EML4: variants seen among roughly 807,000 people sequenced by gnomAD.
EML4 encodes the protein EMAP like 4.
EML4 carries 72 observed loss-of-function variants against 129.0 expected under a neutral mutation model. That is an observed-to-expected ratio of 0.56 (90% CI 0.46 to 0.68). The LOEUF (loss-of-function observed/expected upper bound fraction) is 0.68, where lower values mean the gene tolerates loss of function less well. EML4 is among the 30% of genes least tolerant of loss of function. EML4 has a pLI of 0.00. For missense variants in EML4, 1,363 were observed against 1,190.6 expected, an observed-to-expected ratio of 1.14 and a Z score of -2.13; for synonymous variants, 532 against 405.0, an observed-to-expected ratio of 1.31 and a Z score of -3.77.
At chr2:42,282,147 A>G (rs1572683762) in intron 7 of EML4, among the ~76,000 whole-genome samples, 1 of 138,238 alleles carries the variant, frequency 7.2e-6, no homozygotes, top group Non-Finnish European at 1.6e-5. Context: ...TCTTTTTTTT[A>G]CCCCCCCACG....
chr2:42,292,715 T>C lies in EML4; in HGVS notation c.1219-2410T>C, dbSNP rs150138296. On this transcript the variant is annotated intron_variant, in intron 11 of 22. Transcript: ENST00000318522. ...GCGATGTTTTCAATTTATAAAACTT[T>C]ATTGAGCTATGTACTTAAAATCTGT... 4.6e-4 allele frequency among the ~76,000 whole-genome samples: 70 copies of C among 152,348 alleles called. No homozygotes were observed. The East Asian group carries it at 0.013, about 27-fold the overall frequency.
intron 7 of EML4, among the ~76,000 whole-genome samples, chr2:42,281,417 A>G (rs1667001759): frequency 6.6e-6 from 1 of 151,070 alleles, no homozygotes; most frequent in South Asian, 2.1e-4. Context: ...AAAAAAGGAG[A>G]CATTATCTCT....
intron 7 of EML4, among the ~76,000 whole-genome samples, chr2:42,282,028 G>T: frequency 6.6e-6 from 1 of 152,120 alleles, no homozygotes; most frequent in South Asian, 2.1e-4. Context: ...TATCATTTAG[G>T]TCCAGCATAA....
At chr2:42,281,726 T>C (rs1667022283) in intron 7 of EML4, among the ~76,000 whole-genome samples, 11 of 152,234 alleles carry the variant, frequency 7.2e-5, no homozygotes, top group Admixed American at 6.5e-4. Flanking sequence ...AATTCAGAAT[T>C]AACTTTTCAG....
chr2:42,239,124 C>A (rs1205393439), intron 1 of EML4, among the ~76,000 whole-genome samples: 1 of 152,096 alleles, frequency 6.6e-6, no homozygotes, highest in Non-Finnish European at 1.5e-5. Flanking sequence ...GTGCTTGCAG[C>A]GTAGTAATTA....
At chr2:42,281,040 T>G in intron 7 of EML4, 67 bp downstream of exon 7, 3 of 1,266,122 alleles carry the variant, frequency 2.4e-6, no homozygotes, top group Non-Finnish European at 3.2e-6. Context: ...AGTTAACGTA[T>G]TCTCTGTCAA....
intron 1 of EML4, among the ~76,000 whole-genome samples, chr2:42,240,422 A>G (rs991052098): frequency 5.9e-5 from 9 of 152,148 alleles, no homozygotes; most frequent in African/African-American, 2.2e-4. Flanking sequence ...TACATTATAT[A>G]TACATATGTG....
chr2:42,208,119 T>C (rs1672668865), intron 1 of EML4: 1 of 152,214 alleles, frequency 6.6e-6, no homozygotes, highest in South Asian at 2.1e-4. Flanking sequence ...TTTCAACTCA[T>C]GTTTCTGCAT....
At chr2:42,203,027 TCTAATAATAA>T (rs1672329318) in intron 1 of EML4, among the ~76,000 whole-genome samples, 2 of 152,066 alleles carry the variant, frequency 1.3e-5, no homozygotes, top group Non-Finnish European at 2.9e-5. Flanking sequence ...GGACCCTAAC[TCTAATAATAA>T]TAAGAAGAAG....
chr2:42,264,110 T>TTG (rs1458870885), intron 5 of EML4, among the ~76,000 whole-genome samples: 4 of 140,424 alleles, frequency 2.8e-5, no homozygotes, highest in East Asian at 2.1e-4. Flanking sequence ...CGTGTTTTTT[T>TTG]TTTTTTTTTT....
intron 1 of EML4, among the ~76,000 whole-genome samples, chr2:42,243,838 A>G (rs1385893660): frequency 6.6e-6 from 1 of 152,144 alleles, no homozygotes; most frequent in African/African-American, 2.4e-5. Flanking sequence ...TAAACTTTGA[A>G]TTAAATTAAG....
At chr2:42,306,590 T>A (rs1355798089) in intron 17 of EML4, among the ~76,000 whole-genome samples, 4 of 149,070 alleles carry the variant, frequency 2.7e-5, no homozygotes, top group African/African-American at 5.0e-5. Context: ...CCTCCTGGGT[T>A]CACGCCATTC....
In EML4 at chr2:42,193,504, A is replaced by G. The variant is rs184860869; in HGVS notation, c.25+23868A>G. On this transcript the variant is annotated intron_variant, in intron 1 of 22. Transcript: ENST00000318522. ...TCTTAGCAAAGAAGTTGCTGTTGCA[A>G]TTTTATTTCTTAGGGCCAAACCCAA... Among the ~76,000 whole-genome samples the G allele has an allele frequency of 3.9e-5, 6 of 152,274 alleles. No individual in the cohort carries two copies. In the East Asian group the frequency reaches 7.7e-4, roughly 20 times the overall value.
chr2:42,234,258 G>C (rs145027697), intron 1 of EML4, among the ~76,000 whole-genome samples: 94 of 152,334 alleles, frequency 6.2e-4, no homozygotes, highest in Non-Finnish European at 9.7e-4. Flanking sequence ...AGGCCATCTG[G>C]ACTGAGAGGA....
At position 42,169,920 on chromosome 2, in the gene EML4, C is replaced by G. The variant is rs1572815771; in HGVS notation, c.25+284C>G. 22 of 369,498 alleles carry G rather than the reference C, an allele frequency of 6.0e-5. No homozygotes were observed. In the East Asian group the frequency reaches 9.0e-4, roughly 15 times the overall value. 22.9% of individuals were successfully genotyped at this position (369,498 alleles called of 1,614,324 possible). On this transcript the variant is annotated intron_variant, in intron 1 of 22. Coordinates refer to ENST00000318522, the MANE Select transcript of EML4 (RefSeq NM_019063.5). ...GGGAACCCCTTCCTTCTCAGGCCCC[C>G]CGATAGCTGGCACACCCCTCCCCGT...
intron 1 of EML4, among the ~76,000 whole-genome samples, chr2:42,192,219 TTG>T (rs1491020910): frequency 1.9e-4 from 28 of 150,066 alleles, no homozygotes; most frequent in Admixed American, 1.7e-3. Flanking sequence ...TGGTTTTTTT[TTG>T]TTGTTTTTTT....
At chr2:42,250,011 T>G (rs964189492) in intron 2 of EML4, among the ~76,000 whole-genome samples, 1 of 152,240 alleles carries the variant, frequency 6.6e-6, no homozygotes, top group Non-Finnish European at 1.5e-5. Context: ...ATGAATTATG[T>G]CACAGCTGGT....
chr2:42,290,885 T>A (rs6544534), intron 11 of EML4, among the ~76,000 whole-genome samples: 2 of 152,054 alleles, frequency 1.3e-5, no homozygotes, highest in Non-Finnish European at 2.9e-5. Flanking sequence ...TATATACATT[T>A]AGCAGAGTCA....
intron 1 of EML4, among the ~76,000 whole-genome samples, chr2:42,235,130 T>TA (rs1674582180): frequency 2.0e-5 from 3 of 152,104 alleles, no homozygotes; most frequent in Admixed American, 2.0e-4. Flanking sequence ...ATCCCGTCTC[T>TA]ATTAAAAGTA....
Sources: allele counts gnomAD v4.1 joint callset (sites outside exome capture counted in the v4.1 genomes callset), GRCh38; gene constraint gnomAD v4.1.1; transcripts MANE v1.5; gene names NCBI Gene and HGNC (gene_info 2026-07-23, HGNC 2026-07-21).